The following DCTN6 variants were observed in gnomAD, a reference collection of about 807,000 sequenced individuals.
The protein encoded by DCTN6 is dynactin 6.
In DCTN6, 15 loss-of-function variants were observed where a neutral mutation model predicts 25.8. That is an observed-to-expected ratio of 0.58 (90% CI 0.39 to 0.89). The LOEUF (loss-of-function observed/expected upper bound fraction) is 0.89. Among genes scored for constraint, DCTN6 ranks in the 40% least tolerant of loss-of-function variants. The pLI is 0.00. For synonymous variants in DCTN6, 64 were observed against 78.3 expected, an observed-to-expected ratio of 0.82 and a Z score of 0.96; for missense variants, 198 against 237.6, an observed-to-expected ratio of 0.83 and a Z score of 1.09.
chr8:30,161,471 TG>T (rs1353614778), intron 1 of DCTN6, among the ~76,000 whole-genome samples: 1 of 152,136 alleles, frequency 6.6e-6, no homozygotes, highest in Non-Finnish European at 1.5e-5. Flanking sequence ...TTGGTGACAT[TG>T]TTGGCTTGGG....
At chr8:30,159,767 T>C (rs1298114052) in intron 1 of DCTN6, among the ~76,000 whole-genome samples, 1 of 149,806 alleles carries the variant, frequency 6.7e-6, no homozygotes, top group Non-Finnish European at 1.5e-5. Context: ...AGTTTTCTTT[T>C]TTTTTTTTTT....
At chr8:30,159,502 C>T (rs1803571262) in intron 1 of DCTN6, among the ~76,000 whole-genome samples, 1 of 152,012 alleles carries the variant, frequency 6.6e-6, no homozygotes, top group South Asian at 2.1e-4. Context: ...GAATCTTTAC[C>T]CTTCTGACTC....
At chr8:30,158,701 C>CTTTTTTTTT in intron 1 of DCTN6, among the ~76,000 whole-genome samples, 1 of 99,010 alleles carries the variant, frequency 1.0e-5, no homozygotes, top group Non-Finnish European at 1.9e-5. Flanking sequence ...AGTAGATTGA[C>CTTTTTTTTT]TTTTTTTTTT....
At chr8:30,167,661 C>T (rs2117583786) in intron 2 of DCTN6, among the ~76,000 whole-genome samples, 1 of 152,238 alleles carries the variant, frequency 6.6e-6, no homozygotes, top group East Asian at 1.9e-4. Flanking sequence ...GTGCACAATT[C>T]TGATGGTTAA....
intron 5 of DCTN6, among the ~76,000 whole-genome samples, chr8:30,180,027 T>G (rs1188581131): frequency 6.6e-6 from 1 of 152,230 alleles, no homozygotes; most frequent in Non-Finnish European, 1.5e-5. Context: ...AGAAAATGCT[T>G]CTTTTTAAAA....
At chr8:30,169,846 C>T (rs7842111) in intron 2 of DCTN6, among the ~76,000 whole-genome samples, 9,150 of 152,156 alleles carry the variant, frequency 0.06, 396 homozygotes, top group East Asian at 0.24. Flanking sequence ...CAGAATTATC[C>T]GCATCATTCA....
At chr8:30,175,012 C>G in intron 2 of DCTN6, 73 bp from the exon 3 acceptor site, 1 of 1,433,440 alleles carries the variant, frequency 7.0e-7, no homozygotes, top group South Asian at 1.2e-5. Context: ...CTCACCCATC[C>G]TCAGTCACCT....
At chr8:30,180,115 C>T (rs1415694514) in intron 5 of DCTN6, among the ~76,000 whole-genome samples, 1 of 152,192 alleles carries the variant, frequency 6.6e-6, no homozygotes, top group Non-Finnish European at 1.5e-5. Context: ...CTATTATCAT[C>T]AGCATTTTCT....
chr8:30,173,970 A>AC (rs1481823124), intron 2 of DCTN6, among the ~76,000 whole-genome samples: 4 of 152,052 alleles, frequency 2.6e-5, no homozygotes, highest in Admixed American at 2.6e-4. Context: ...TATCACCAGA[A>AC]CCCTCAGCCT....
At chr8:30,169,581 C>G (rs1408636113) in intron 2 of DCTN6, among the ~76,000 whole-genome samples, 1 of 152,320 alleles carries the variant, frequency 6.6e-6, no homozygotes, top group South Asian at 2.1e-4. Context: ...CCAGAAGGAG[C>G]GCCAGGGTTC....
At chr8:30,167,802 G>A (rs1358239993) in intron 2 of DCTN6, among the ~76,000 whole-genome samples, 1 of 152,036 alleles carries the variant, frequency 6.6e-6, no homozygotes, top group Non-Finnish European at 1.5e-5. Context: ...GGGTTCAAGC[G>A]ATTCTTGTGT....
At chr8:30,165,438 T>C (rs1803652167) in intron 2 of DCTN6, among the ~76,000 whole-genome samples, 1 of 147,814 alleles carries the variant, frequency 6.8e-6, no homozygotes. Flanking sequence ...ACAGTTTCTT[T>C]AATGAAAAAA....
At chr8:30,178,354 T>A (rs549272578) in intron 4 of DCTN6, among the ~76,000 whole-genome samples, 5 of 151,548 alleles carry the variant, frequency 3.3e-5, no homozygotes, top group African/African-American at 1.2e-4. Context: ...TCCCAGCTAC[T>A]CGGGAGGCTG....
At chr8:30,171,424 T>A (rs186219707) in intron 2 of DCTN6, among the ~76,000 whole-genome samples, 6,265 of 151,996 alleles carry the variant, frequency 0.041, 179 homozygotes, top group Non-Finnish European at 0.065. Flanking sequence ...CAATTTTTTT[T>A]TAATTTTTCA....
intron 3 of DCTN6, 126 bp downstream of exon 3, chr8:30,175,316 TA>T (rs1384461292): frequency 1.4e-6 from 1 of 723,274 alleles, no homozygotes; most frequent in African/African-American, 1.8e-5. Context: ...AGAGAAGCAT[TA>T]AGGGTCTTTT....
intron 1 of DCTN6, among the ~76,000 whole-genome samples, chr8:30,158,005 C>T (rs1026026368): frequency 1.2e-4 from 18 of 152,126 alleles, no homozygotes. Context: ...AAGTCTTGCC[C>T]TCCCATCTGC....
intron 4 of DCTN6, 127 bp downstream of exon 4, chr8:30,177,341 G>A (rs1056510112): frequency 1.5e-6 from 1 of 647,372 alleles, no homozygotes; most frequent in African/African-American, 1.8e-5. Context: ...TGTAGAAATT[G>A]TAAAATTGTC....
intron 3 of DCTN6, 70 bp downstream of exon 3, chr8:30,175,260 A>G (rs182522463): frequency 2.4e-5 from 33 of 1,375,836 alleles, no homozygotes; most frequent in Non-Finnish European, 3.1e-5. Context: ...AGCTGTCTGT[A>G]AGAACCTTTT....
At chr8:30,165,891 G>T (rs774972453) in intron 2 of DCTN6, 3 of 151,644 alleles carry the variant, frequency 2.0e-5, no homozygotes, top group Non-Finnish European at 2.9e-5. Flanking sequence ...AAAGAAAAAA[G>T]AATTTGCCAG....
Sources: allele counts gnomAD v4.1 joint callset (sites outside exome capture counted in the v4.1 genomes callset), GRCh38; gene constraint gnomAD v4.1.1; transcripts MANE v1.5; gene names NCBI Gene and HGNC (gene_info 2026-07-23, HGNC 2026-07-21).